TCTN2: variants seen among roughly 807,000 people sequenced by gnomAD.
The protein encoded by TCTN2 is tectonic family member 2.
A neutral mutation model predicts 83.4 loss-of-function variants in TCTN2; 66 were observed. That is an observed-to-expected ratio of 0.79 (90% confidence interval 0.65 to 0.97). The LOEUF (loss-of-function observed/expected upper bound fraction) is 0.97, where lower values mean the gene tolerates loss of function less well. Among genes scored for constraint, TCTN2 ranks in the 50% least tolerant of loss-of-function variants. The probability of loss-of-function intolerance (pLI) is 0.00; values close to 1 mark genes in which losing one functional copy is unlikely to be tolerated. For missense variants in TCTN2, 794 were observed against 858.1 expected, an observed-to-expected ratio of 0.93 and a Z score of 0.93; for synonymous variants, 301 against 326.7, an observed-to-expected ratio of 0.92 and a Z score of 0.85.
rs373752656 is a variant in TCTN2, at chr12:123,707,589, T to C, written c.1985-15T>C. On this transcript the variant is annotated splice_polypyrimidine_tract_variant and intron_variant, in intron 17 of 17. Coordinates refer to ENST00000303372, the MANE Select transcript of TCTN2 (RefSeq NM_024809.5). ...TAAGAAATACTGCTGTTGAATTTTGTCCATTGTTTTTCAGGGGAGCTGCAT... is the reference window on the plus strand; with the variant it reads ...TAAGAAATACTGCTGTTGAATTTTGCCCATTGTTTTTCAGGGGAGCTGCAT... The C allele has an allele frequency of 2.5e-6, 4 of 1,610,730 alleles. No individual in the cohort carries two copies. The highest frequency in any genetic ancestry group is 3.4e-6 in the Non-Finnish European group (4 of 1,177,034).
At chr12:123,673,905 CTATAAATGAGCTGCCCGGGAGGTTAAT>C in intron 4 of TCTN2, 95 bp downstream of exon 4, 1 of 1,209,088 alleles carries the variant, frequency 8.3e-7, no homozygotes, top group Non-Finnish European at 1.2e-6. Flanking sequence ...GAGGTTGATG[CTATAAATGAGCTGCCCGGGAGGTTAAT>C]GCTACAAATG....
Position 123,671,203 on chromosome 12 carries a change from G to A in TCTN2, c.-38G>A. On this transcript the variant is annotated 5_prime_UTR_variant, in exon 1 of 18. Coordinates refer to ENST00000303372, the MANE Select transcript of TCTN2 (RefSeq NM_024809.5). Reference sequence around the variant, plus strand: ...GAGTCCTTCCTGGGTTCTAATGAGGGCGCGGTTCTGCTGTGCCCGGCCCGC... The same window carrying A: ...GAGTCCTTCCTGGGTTCTAATGAGGACGCGGTTCTGCTGTGCCCGGCCCGC... 6.3e-7 allele frequency: 1 copy of A among 1,582,688 alleles called. No individual in the cohort carries two copies. The highest frequency in any genetic ancestry group is 8.6e-7 in the Non-Finnish European group (1 of 1,160,264).
intron 1 of TCTN2, 83 bp downstream of exon 1, chr12:123,671,405 G>C: frequency 6.3e-7 from 1 of 1,587,342 alleles, no homozygotes; most frequent in Non-Finnish European, 8.6e-7. Flanking sequence ...ACTCCCCCGG[G>C]AGCTTCGGGA....
chr12:123,677,544 G>T (rs1400574976), intron 4 of TCTN2, among the ~76,000 whole-genome samples: 1 of 152,208 alleles, frequency 6.6e-6, no homozygotes, highest in Non-Finnish European at 1.5e-5. Flanking sequence ...TTAGGAGGCT[G>T]AAATGTCGTG....
Position 123,671,190 on chromosome 12 carries a change from G to C in TCTN2, c.-51G>C, listed in dbSNP as rs539604682. Reference sequence around the variant, plus strand: ...CGTTTTCGTGTCTGAGTCCTTCCTGGGTTCTAATGAGGGCGCGGTTCTGCT... The same window carrying C: ...CGTTTTCGTGTCTGAGTCCTTCCTGCGTTCTAATGAGGGCGCGGTTCTGCT... On this transcript the variant is annotated 5_prime_UTR_variant, in exon 1 of 18. Transcript: ENST00000303372. The C allele has an allele frequency of 9.5e-5, 148 of 1,553,448 alleles. No individual in the cohort carries two copies. The East Asian group carries it at 3.3e-3, about 35-fold the overall frequency.
In TCTN2 at chr12:123,704,577, T is replaced by C; in HGVS notation, c.1658T>C (p.Val553Ala). 1 of 1,613,662 alleles carries C rather than the reference T, an allele frequency of 6.2e-7. No individual in the cohort carries two copies. The highest frequency in any genetic ancestry group is 1.7e-4 in the Middle Eastern group (1 of 6,052). Residue 553 changes from valine (V) to alanine (A), a missense_variant, in exon 15 of 18, where the codon GTG (valine) becomes GCG (alanine). Transcript: ENST00000303372. Reference protein sequence around the residue: ...DPGADPLASSVNGMCLDIPAH... With the variant: ...DPGADPLASSANGMCLDIPAH... The stretch of plus-strand genomic sequence containing the variant: ...GGTGCAGACCCGCTGGCTAGCAGTG[T>C]GAACGGCATGTGCCTGGATATTCCT...
At chr12:123,680,423 G>A (rs756095719) in intron 5 of TCTN2, among the ~76,000 whole-genome samples, 4 of 151,056 alleles carry the variant, frequency 2.6e-5, no homozygotes, top group Non-Finnish European at 5.9e-5. Context: ...TAAAGTGCTG[G>A]AATTACAGGT....
At chr12:123,684,260 GTTGTT>G (rs529620650) in intron 5 of TCTN2, among the ~76,000 whole-genome samples, 1 of 151,928 alleles carries the variant, frequency 6.6e-6, no homozygotes, top group Non-Finnish European at 1.5e-5. Context: ...TTTTTTGGTT[GTTGTT>G]TTGTTTTGTT....
In TCTN2 at chr12:123,671,222, G is replaced by T; in HGVS notation, c.-19G>T. On this transcript the variant is annotated 5_prime_UTR_variant, in exon 1 of 18. Coordinates refer to ENST00000303372, the MANE Select transcript of TCTN2 (RefSeq NM_024809.5). ...ATGAGGGCGCGGTTCTGCTGTGCCC[G>T]GCCCGCGAGGTCTAAGGCATGGGCT... is the stretch of plus-strand genomic sequence containing the variant. 6.2e-7 allele frequency: 1 copy of T among 1,608,380 alleles called. No homozygotes were observed.
rs1416856929 is a variant in TCTN2, at chr12:123,699,700, G to A, written c.1506-4G>A. The A allele has an allele frequency of 6.2e-7, 1 of 1,611,866 alleles. No individual in the cohort carries two copies. The highest frequency in any genetic ancestry group is 8.5e-7 in the Non-Finnish European group (1 of 1,178,080). On this transcript the variant is annotated splice_polypyrimidine_tract_variant and splice_region_variant and intron_variant, in intron 13 of 17. Transcript: ENST00000303372. ...GAGCTGAGAAATGTCTTACTCTCTTGCAGGGAGAATGCTGTTGAAAGACTT... is the reference window on the plus strand; with the variant it reads ...GAGCTGAGAAATGTCTTACTCTCTTACAGGGAGAATGCTGTTGAAAGACTT...
intron 12 of TCTN2, chr12:123,696,880 C>A (rs765654518): frequency 1.2e-5 from 7 of 572,134 alleles, no homozygotes; most frequent in Non-Finnish European, 2.2e-5. Context: ...AGTGTCACTT[C>A]TGAAGAAACC....
chr12:123,700,104 C>T, intron 14 of TCTN2: 1 of 473,496 alleles, frequency 2.1e-6, no homozygotes, highest in East Asian at 4.2e-5. Context: ...CTCATCCTCC[C>T]AGGCTCAAGG....
In TCTN2 at chr12:123,707,105, T is replaced by C. The variant is rs199697613; in HGVS notation, c.1984+32T>C. On this transcript the variant is annotated intron_variant, in intron 17 of 17. Transcript: ENST00000303372. ...TGAAACAGATTTCTATGACCAATTATGTTATGTCAATTTAAAAAAATTTTT... is the reference window on the plus strand; with the variant it reads ...TGAAACAGATTTCTATGACCAATTACGTTATGTCAATTTAAAAAAATTTTT... 9.4e-6 allele frequency: 15 copies of C among 1,596,096 alleles called. No homozygotes were observed. In the African/African-American group the frequency reaches 1.9e-4, roughly 20 times the overall value.
intron 14 of TCTN2, among the ~76,000 whole-genome samples, chr12:123,702,840 A>T (rs1205870504): frequency 1.3e-5 from 2 of 152,192 alleles, no homozygotes; most frequent in Non-Finnish European, 2.9e-5. Context: ...CTTTTATTTC[A>T]TGTCTGAGCC....
chr12:123,674,277 C>T (rs1355173438), intron 4 of TCTN2, among the ~76,000 whole-genome samples: 4 of 151,564 alleles, frequency 2.6e-5, no homozygotes, highest in Admixed American at 6.6e-5. Context: ...TTGATTCTCT[C>T]TCTTTTTTTT....
At chr12:123,704,392 A>G (rs2135859073) in intron 14 of TCTN2, 140 bp from the exon 15 acceptor site, 2 of 830,260 alleles carry the variant, frequency 2.4e-6, no homozygotes, top group Admixed American at 2.1e-5. Context: ...TGGAGTGACA[A>G]GTAACTAGAG....
At chr12:123,693,283 C>T (rs527759004) in intron 9 of TCTN2, among the ~76,000 whole-genome samples, 11 of 151,500 alleles carry the variant, frequency 7.3e-5, no homozygotes, top group South Asian at 4.2e-4. Context: ...GCCTTGGCCT[C>T]CCAAAGTGCT....
rs552095122 is a variant in TCTN2, at chr12:123,700,764, T to C, written c.1612+954T>C. On this transcript the variant is annotated intron_variant, in intron 14 of 17. Coordinates refer to ENST00000303372, the MANE Select transcript of TCTN2 (RefSeq NM_024809.5). ...GAGTTTAAGACCAGCCTGGGCAACA[T>C]AGTGAGACCTTGTCTCTATGAAAAA... 3.9e-5 allele frequency among the ~76,000 whole-genome samples: 6 copies of C among 152,262 alleles called. No individual in the cohort carries two copies. In the East Asian group the frequency reaches 9.6e-4, roughly 24 times the overall value.
chr12:123,707,715 C>A lies in TCTN2; in HGVS notation c.*2C>A. ...AGAATATGCAAAGCCTATAGTTAGA[C>A]AACCACCTGGCTTTTATTTTTTTGA... On this transcript the variant is annotated 3_prime_UTR_variant, in exon 18 of 18. Transcript: ENST00000303372. The A allele has an allele frequency of 1.2e-6, 2 of 1,611,734 alleles. No homozygotes were observed. The highest frequency in any genetic ancestry group is 1.7e-6 in the Non-Finnish European group (2 of 1,177,850).
Sources: allele counts gnomAD v4.1 joint callset (sites outside exome capture counted in the v4.1 genomes callset), GRCh38; gene constraint gnomAD v4.1.1; transcripts MANE v1.5; gene names NCBI Gene and HGNC (gene_info 2026-07-23, HGNC 2026-07-21).